The following EDDM3A variants were observed in gnomAD, a reference collection of about 807,000 sequenced individuals.
EDDM3A encodes the protein epididymal protein 3A.
For missense variants in EDDM3A, 199 were observed against 177.4 expected (o/e 1.12, Z -0.69); for synonymous variants, 75 against 60.4 (o/e 1.24, Z -1.12).
upstream of EDDM3A, among the ~76,000 whole-genome samples, chr14:20,742,271 A>G (rs2139076710): frequency 1.3e-5 from 2 of 152,364 alleles, 1 homozygote; most frequent in South Asian, 4.1e-4. Context: ...CAGTCAAAGT[A>G]TATGAGGGAA....
At chr14:20,736,385 C>T in the EDDM3A span, among the ~76,000 whole-genome samples, 9 of 152,154 alleles carry the variant, frequency 5.9e-5, no homozygotes, top group African/African-American at 2.2e-4. Context: ...GCTGGGATTA[C>T]AGGCATGAGC....
At position 20,748,112 on chromosome 14, in the gene EDDM3A, C is replaced by G; in HGVS notation, c.*88C>G. ...GCCTCCATCAATAGCCCCTGCCACT[C>G]CCCGCTTACATTTATGTGTCAGTGT... On this transcript the variant is annotated 3_prime_UTR_variant, in exon 2 of 2. Transcript: ENST00000326842. 1 of 915,560 alleles carries G rather than the reference C, an allele frequency of 1.1e-6. No homozygotes were observed. 56.7% of individuals were successfully genotyped at this position (915,560 alleles called of 1,614,324 possible). A position where few individuals can be genotyped will look rare whatever the true frequency, so the allele number is the denominator to read the frequency against.
chr14:20,740,777 AGGAGCTAT>A, the EDDM3A span, among the ~76,000 whole-genome samples: 1 of 152,166 alleles, frequency 6.6e-6, no homozygotes, highest in Non-Finnish European at 1.5e-5. Flanking sequence ...CACCTGGTGA[AGGAGCTAT>A]GGCCAGGCCA....
upstream of EDDM3A, among the ~76,000 whole-genome samples, chr14:20,743,838 G>C (rs568665448): frequency 3.6e-4 from 55 of 152,234 alleles, no homozygotes; most frequent in South Asian, 4.4e-3. Context: ...CTTTTCCCCA[G>C]TTTAGTTTAG....
chr14:20,739,419 T>C, the EDDM3A span, among the ~76,000 whole-genome samples: 2,133 of 152,326 alleles, frequency 0.014, 24 homozygotes, highest in Non-Finnish European at 0.018. Flanking sequence ...TAGGGACCTG[T>C]CTTCCTCTTT....
the EDDM3A span, among the ~76,000 whole-genome samples, chr14:20,738,247 G>A: frequency 2.0e-5 from 3 of 152,126 alleles, no homozygotes; most frequent in African/African-American, 7.2e-5. Flanking sequence ...GCCGAAGCAG[G>A]CGGATCACAA....
the EDDM3A span, among the ~76,000 whole-genome samples, chr14:20,736,678 C>T: frequency 6.6e-6 from 1 of 152,062 alleles, no homozygotes; most frequent in Non-Finnish European, 1.5e-5. Flanking sequence ...CATTTCTGTC[C>T]CTGACTCTGG....
At chr14:20,741,465 T>C (rs1356083664), upstream of EDDM3A, among the ~76,000 whole-genome samples, 2 of 152,122 alleles carry the variant, frequency 1.3e-5, no homozygotes, top group Admixed American at 6.5e-5. Flanking sequence ...CAAGCCACCT[T>C]GCTAGCAGCT....
At chr14:20,737,057 T>TTTTC in the EDDM3A span, among the ~76,000 whole-genome samples, 1,396 of 147,840 alleles carry the variant, frequency 9.4e-3, 36 homozygotes, top group African/African-American at 0.033. Context: ...CTTTTTCCTT[T>TTTTC]TTTTTTTTTT....
At chr14:20,739,397 C>T in the EDDM3A span, among the ~76,000 whole-genome samples, 140,448 of 152,250 alleles carry the variant, frequency 0.92, 65,016 homozygotes, top group East Asian at 0.97. Context: ...GATAGCTGCA[C>T]ATTAATTTCC....
At chr14:20,740,499 T>C in the EDDM3A span, among the ~76,000 whole-genome samples, 1 of 152,232 alleles carries the variant, frequency 6.6e-6, no homozygotes, top group African/African-American at 2.4e-5. Flanking sequence ...CTGGCCTTCT[T>C]AGAGGTCCTG....
intron 1 of EDDM3A, among the ~76,000 whole-genome samples, chr14:20,747,120 T>TTTTTG (rs766561441): frequency 7.7e-6 from 1 of 129,134 alleles, no homozygotes; most frequent in Non-Finnish European, 1.7e-5. Context: ...TTTTTTTTTT[T>TTTTTG]GAGACGGAGT....
upstream of EDDM3A, among the ~76,000 whole-genome samples, chr14:20,744,024 C>T (rs1877512422): frequency 6.6e-6 from 1 of 152,146 alleles, no homozygotes; most frequent in African/African-American, 2.4e-5. Context: ...CTCTCTCCCA[C>T]CTCTCTACAT....
upstream of EDDM3A, among the ~76,000 whole-genome samples, chr14:20,745,097 A>C (rs1566348588): frequency 6.6e-6 from 1 of 152,168 alleles, no homozygotes; most frequent in Non-Finnish European, 1.5e-5. Flanking sequence ...ATGGTGTTGC[A>C]TGCCTATAGT....
upstream of EDDM3A, among the ~76,000 whole-genome samples, chr14:20,741,406 C>A (rs1877430498): frequency 6.6e-6 from 1 of 152,184 alleles, no homozygotes; most frequent in South Asian, 2.1e-4. Context: ...AGGGTGTTCA[C>A]CGGCAGAGAC....
At chr14:20,741,803 G>A (rs1417140273), upstream of EDDM3A, among the ~76,000 whole-genome samples, 6 of 152,216 alleles carry the variant, frequency 3.9e-5, no homozygotes, top group African/African-American at 1.4e-4. Flanking sequence ...GTGGAGCCCT[G>A]GGTCATTATG....
chr14:20,746,752 T>A (rs564282585), intron 1 of EDDM3A, among the ~76,000 whole-genome samples: 2 of 152,290 alleles, frequency 1.3e-5, no homozygotes, highest in South Asian at 4.1e-4. Flanking sequence ...AAAACATCAT[T>A]TTTCAGAGAA....
Position 20,747,868 on chromosome 14 carries a change from C to G in EDDM3A, c.288C>G (p.Ala96=). Reference sequence around the variant, plus strand: ...GATATAGAAATGCATATGTATGGGCCCCAGGTGCCCTCAAAGTACTCGAGT... The same window carrying G: ...GATATAGAAATGCATATGTATGGGCGCCAGGTGCCCTCAAAGTACTCGAGT... ...SDRYRNAYVW[A]PGALKVLECH... is the part of the protein sequence containing the mutation. Residue 96 remains alanine (A), a synonymous_variant, in exon 2 of 2, where the codon GCC becomes GCG. Transcript: ENST00000326842. The G allele has an allele frequency of 1.9e-6, 3 of 1,614,062 alleles. No individual in the cohort carries two copies. The South Asian group carries it at 3.3e-5, about 18-fold the overall frequency.
In EDDM3A at chr14:20,747,889, C is replaced by G. The variant is rs1456425402; in HGVS notation, c.309C>G (p.Leu103=). 3.7e-6 allele frequency: 6 copies of G among 1,613,970 alleles called. No homozygotes were observed. The Admixed American group carries it at 8.3e-5, about 22-fold the overall frequency. The change falls in exon 2 of 2, where the codon CTC becomes CTG. Residue 103 remains leucine, a synonymous_variant. Coordinates refer to ENST00000326842, the MANE Select transcript of EDDM3A (RefSeq NM_006683.5). ...GGGCCCCAGGTGCCCTCAAAGTACTCGAGTGTCACTGGGAGAAGTACAACA... is the reference window on the plus strand; with the variant it reads ...GGGCCCCAGGTGCCCTCAAAGTACTGGAGTGTCACTGGGAGAAGTACAACA... ...YVWAPGALKV[L]ECHWEKYNNR...
Sources: gnomAD v4.1 joint callset for allele counts (sites outside exome capture counted in the v4.1 genomes callset) on GRCh38, gnomAD v4.1.1 for gene constraint, MANE v1.5 for transcripts, NCBI Gene and HGNC (gene_info 2026-07-23, HGNC 2026-07-21) for gene names.